Variants in TMEM59 observed in about 807,000 individuals in gnomAD.
TMEM59 encodes the protein transmembrane protein 59.
A neutral mutation model predicts 42.2 loss-of-function variants in TMEM59; 44 were observed. That is an observed-to-expected ratio of 1.04 (90% CI 0.82 to 1.34). The LOEUF (loss-of-function observed/expected upper bound fraction) is 1.34, where lower values mean the gene tolerates loss of function less well. Among genes scored for constraint, TMEM59 ranks in the 40% most tolerant of loss-of-function variants. The probability of loss-of-function intolerance (pLI) is 0.00; values close to 1 mark genes in which losing one functional copy is unlikely to be tolerated. For missense variants in TMEM59, 359 were observed against 382.8 expected (o/e 0.94, Z 0.52); for synonymous variants, 148 against 145.8 (o/e 1.02, Z -0.11).
rs1656624854 is a variant in TMEM59, at chr1:54,027,134, G to C, written c.*5016C>G. The C allele has an allele frequency of 6.6e-6, 1 of 152,164 alleles. No individual in the cohort carries two copies. The highest frequency in any genetic ancestry group is 1.5e-5 in the Non-Finnish European group (1 of 68,026). 9.4% of individuals were successfully genotyped at this position (152,164 alleles called of 1,614,324 possible). A position where few individuals can be genotyped will look rare whatever the true frequency, so the allele number is the denominator to read the frequency against. On this transcript the variant is annotated 3_prime_UTR_variant, in exon 8 of 8. Coordinates refer to ENST00000234831, the MANE Select transcript of TMEM59 (RefSeq NM_004872.5). Reference sequence around the variant, plus strand: ...TAGGAAACAGTCCACAGTAGGATCAGAGTACCTGTGACTTTGTCACCAATA... The same window carrying C: ...TAGGAAACAGTCCACAGTAGGATCACAGTACCTGTGACTTTGTCACCAATA...
chr1:54,032,122 T>A lies in TMEM59; in HGVS notation c.*28A>T, dbSNP rs1656781860. On this transcript the variant is annotated 3_prime_UTR_variant, in exon 8 of 8. Coordinates refer to ENST00000234831, the MANE Select transcript of TMEM59 (RefSeq NM_004872.5). ...TGAGGAGTGGAATTTTAGATGTCTA[T>A]TACACTTGTCTTTTAAAAGAAAAAT... 1.3e-6 allele frequency: 2 copies of A among 1,598,698 alleles called. No individual in the cohort carries two copies. Among genetic ancestry groups the A allele is most frequent in the Non-Finnish European group, 1.7e-6 (2 of 1,172,442 alleles).
intron 1 of TMEM59, among the ~76,000 whole-genome samples, chr1:54,051,101 C>T (rs984913256): frequency 2.0e-5 from 3 of 151,970 alleles, no homozygotes; most frequent in African/African-American, 7.3e-5. Context: ...GTGATCCACC[C>T]ACCTCGGCCT....
At chr1:54,047,119 C>G (rs1569963851) in intron 2 of TMEM59, 148 bp downstream of exon 2, 2 of 602,166 alleles carry the variant, frequency 3.3e-6, no homozygotes, top group Admixed American at 7.8e-5. Flanking sequence ...GCAGCAGCTA[C>G]GAAAACTCTT....
At chr1:54,038,538 A>G (rs1657030765) in intron 6 of TMEM59, among the ~76,000 whole-genome samples, 1 of 152,214 alleles carries the variant, frequency 6.6e-6, no homozygotes, top group Non-Finnish European at 1.5e-5. Flanking sequence ...AGAAAGAGTG[A>G]CCTCAATTTC....
intron 6 of TMEM59, among the ~76,000 whole-genome samples, chr1:54,039,789 T>TA (rs1657077968): frequency 6.6e-6 from 1 of 151,884 alleles, no homozygotes; most frequent in Non-Finnish European, 1.5e-5. Context: ...CAATAAGTGG[T>TA]ATGGCCCACT....
rs1569953994 is a variant in TMEM59 at position 54,043,059 on chromosome 1, G to A, written c.543+314C>T. ...GTAATCATATATGGCCACTATTTATGTTCGAAGTATATTAATTATTGTCTC... is the reference window on the plus strand; with the variant it reads ...GTAATCATATATGGCCACTATTTATATTCGAAGTATATTAATTATTGTCTC... On this transcript the variant is annotated intron_variant, in intron 4 of 7. Transcript: ENST00000234831. Among the ~76,000 whole-genome samples the A allele has an allele frequency of 2.0e-5, 3 of 152,138 alleles. No individual in the cohort carries two copies. The East Asian group carries it at 5.8e-4, about 29-fold the overall frequency.
rs1657606193 is a variant in TMEM59, at chr1:54,052,888, C to T, written c.189+112G>A. 3.3e-6 allele frequency: 4 copies of T among 1,209,392 alleles called. No individual in the cohort carries two copies. The South Asian group carries it at 5.8e-5, about 18-fold the overall frequency. 74.9% of individuals were successfully genotyped at this position (1,209,392 alleles called of 1,614,324 possible). ...AAACAGGAGCTACACAGATGGGAGA[C>T]AGCGATTGAAGGGCCGATTTAACAG... On this transcript the variant is annotated intron_variant, in intron 1 of 7. Transcript: ENST00000234831.
intron 1 of TMEM59, among the ~76,000 whole-genome samples, chr1:54,051,002 C>G (rs1028862402): frequency 5.3e-5 from 8 of 151,842 alleles, no homozygotes; most frequent in African/African-American, 1.7e-4. Context: ...GTGCTCGTCT[C>G]CATGCCTGGC....
At chr1:54,053,532 C>T (rs1424925627), upstream of TMEM59, 1 of 262,262 alleles carries the variant, frequency 3.8e-6, no homozygotes, top group Admixed American at 5.3e-5. Context: ...TCTCGGAAAA[C>T]TACAGCCGCC....
intron 4 of TMEM59, among the ~76,000 whole-genome samples, chr1:54,042,364 G>A (rs1410315426): frequency 6.6e-6 from 1 of 152,148 alleles, no homozygotes; most frequent in African/African-American, 2.4e-5. Flanking sequence ...ACTTTAGAGA[G>A]ACACAGAGCT....
At chr1:54,050,266 C>G (rs1364264459) in intron 1 of TMEM59, among the ~76,000 whole-genome samples, 1 of 151,892 alleles carries the variant, frequency 6.6e-6, no homozygotes, top group Non-Finnish European at 1.5e-5. Flanking sequence ...GCTGGGATCA[C>G]AAGCGTGCGC....
Position 54,052,394 on chromosome 1 carries a change from T to C in TMEM59, c.189+606A>G, listed in dbSNP as rs183326961. On this transcript the variant is annotated intron_variant, in intron 1 of 7. Coordinates refer to ENST00000234831, the MANE Select transcript of TMEM59 (RefSeq NM_004872.5). Reference sequence around the variant, plus strand: ...GGTCAGTTTCTGGTAGGCAGACACCTAATTGCCTCTTCTCTAACCCAGTCC... The same window carrying C: ...GGTCAGTTTCTGGTAGGCAGACACCCAATTGCCTCTTCTCTAACCCAGTCC... Among the ~76,000 whole-genome samples, 435 of 152,314 alleles carry C rather than the reference T, an allele frequency of 2.9e-3. 15 individuals are homozygous for C. Among genetic ancestry groups the C allele is most frequent in the Admixed American group, 0.023 (359 of 15,294 alleles).
chr1:54,043,568 A>G (rs774060385), intron 3 of TMEM59, 43 bp from the exon 4 acceptor site: 7 of 1,263,824 alleles, frequency 5.5e-6, no homozygotes, highest in Admixed American at 3.4e-5. Context: ...ATTTTTATAT[A>G]TGTATATTCA....
intron 6 of TMEM59, among the ~76,000 whole-genome samples, chr1:54,038,378 A>G (rs1657023767): frequency 6.6e-6 from 1 of 152,204 alleles, no homozygotes; most frequent in African/African-American, 2.4e-5. Flanking sequence ...TACAGTCCTT[A>G]TATGCTGTGT....
At chr1:54,052,110 A>G (rs1205389732) in intron 1 of TMEM59, among the ~76,000 whole-genome samples, 2 of 152,212 alleles carry the variant, frequency 1.3e-5, no homozygotes, top group Admixed American at 1.3e-4. Context: ...AAAAGCTCTC[A>G]TAAAACAACG....
chr1:54,040,148 T>A (rs1657088280), intron 6 of TMEM59, among the ~76,000 whole-genome samples: 1 of 152,084 alleles, frequency 6.6e-6, no homozygotes, highest in Admixed American at 6.6e-5. Context: ...TCAAACATAC[T>A]TATTTTATTT....
chr1:54,053,485 G>C (rs11206279), upstream of TMEM59: 2 of 383,232 alleles, frequency 5.2e-6, no homozygotes, highest in Non-Finnish European at 9.6e-6. Flanking sequence ...GTAGTTCTCC[G>C]TAGGCGGGAG....
At chr1:54,035,933 A>C (rs1379320909) in intron 7 of TMEM59, among the ~76,000 whole-genome samples, 1 of 152,164 alleles carries the variant, frequency 6.6e-6, no homozygotes, top group African/African-American at 2.4e-5. Context: ...CTGCTTCTAA[A>C]GCAGCACTGA....
At chr1:54,033,044 C>G (rs1431836979) in intron 7 of TMEM59, 1 of 151,934 alleles carries the variant, frequency 6.6e-6, no homozygotes, top group Non-Finnish European at 1.5e-5. Flanking sequence ...TCTCCTGCCT[C>G]AGCCTCCTGA....
Sources: gnomAD v4.1 joint callset for allele counts (sites outside exome capture counted in the v4.1 genomes callset) on GRCh38, gnomAD v4.1.1 for gene constraint, MANE v1.5 for transcripts, NCBI Gene and HGNC (gene_info 2026-07-23, HGNC 2026-07-21) for gene names.